Variants in ITGAM observed in about 807,000 individuals in gnomAD.
ITGAM encodes the protein integrin alpha-M.
ITGAM carries 79 observed loss-of-function variants against 137.5 expected under a neutral mutation model. The ratio of observed to expected loss-of-function variants is 0.57; its 90% CI spans 0.48 to 0.69. ITGAM has a LOEUF of 0.69. Ranked by LOEUF, ITGAM falls within the 30% of genes least tolerant of loss-of-function variation. The pLI is 0.00. For missense variants in ITGAM, 1,343 were observed against 1,483.5 expected (o/e 0.91, Z 1.56); for synonymous variants, 583 against 592.3 (o/e 0.98, Z 0.23).
At chr16:31,310,509 C>T (rs941429328) in intron 14 of ITGAM, among the ~76,000 whole-genome samples, 17 of 151,204 alleles carry the variant, frequency 1.1e-4, no homozygotes, top group Non-Finnish European at 1.6e-4. Context: ...CTTGTGCATT[C>T]GTCACGTAGT....
chr16:31,325,048 C>T lies in ITGAM; in HGVS notation c.2363+17C>T, dbSNP rs1334524702. 6.3e-7 allele frequency: 1 copy of T among 1,598,836 alleles called. No homozygotes were observed. The highest frequency in any genetic ancestry group is 1.7e-5 in the Admixed American group (1 of 59,070). On this transcript the variant is annotated intron_variant, in intron 19 of 29. Transcript: ENST00000544665. ...TTTCATGAGGTGAGTTTCCTTTCCT[C>T]CTCACCTCCTCCAGAGAAGGACCCG... is the stretch of plus-strand genomic sequence containing the variant.
rs80070764 is a variant in ITGAM at position 31,330,506 on chromosome 16, C to T, written c.3177C>T (p.Thr1059=). The change falls in exon 28 of 30, where the codon ACC becomes ACT. Residue 1059 remains threonine, a splice_region_variant and synonymous_variant. Transcript: ENST00000544665. ...TGCCCACCCGCTCTCTTCCACAGAC[C>T]TCGCATAACCACCTCCTGATCGTGA... ...GNLSFDWYIK[T]SHNHLLIVST... The T allele has an allele frequency of 6.2e-7, 1 of 1,613,684 alleles. No individual in the cohort carries two copies.
intron 14 of ITGAM, among the ~76,000 whole-genome samples, chr16:31,306,824 A>G (rs2080269911): frequency 6.6e-6 from 1 of 152,126 alleles, no homozygotes; most frequent in African/African-American, 2.4e-5. Context: ...AGTACTCTTA[A>G]TGACTTTTAA....
chr16:31,260,880 A>G (rs1393375845), intron 1 of ITGAM, among the ~76,000 whole-genome samples: 1 of 152,234 alleles, frequency 6.6e-6, no homozygotes, highest in African/African-American at 2.4e-5. Flanking sequence ...CACCACCCCC[A>G]AAGAATTCTA....
At position 31,324,698 on chromosome 16, in the gene ITGAM, C is replaced by A; in HGVS notation, c.2205C>A (p.Phe735Leu). The A allele has an allele frequency of 1.2e-6, 2 of 1,602,248 alleles. No individual in the cohort carries two copies. The highest frequency in any genetic ancestry group is 2.2e-5 in the South Asian group (2 of 89,364). ...GCCCCATTGTGCTGCGCCTGAACTT[C>A]TCTCTGGTGGGAACGCCATTGTCTG... The part of the protein sequence containing the change: ...PVSPIVLRLN[F>L]SLVGTPLSAF... Residue 735 changes from phenylalanine to leucine, a missense_variant, in exon 18 of 30, where the codon TTC becomes TTA. Transcript: ENST00000544665. The surrounding 1 kb of genome is among the most constrained non-coding windows in gnomAD (Gnocchi z 4.5).
intron 5 of ITGAM, 142 bp downstream of exon 5, chr16:31,266,289 G>A (rs2079767004): frequency 6.3e-6 from 4 of 637,436 alleles, no homozygotes; most frequent in Non-Finnish European, 8.3e-6. Flanking sequence ...AGAAGCTAGG[G>A]AGGTGCTAGG....
intron 23 of ITGAM, among the ~76,000 whole-genome samples, chr16:31,328,740 G>A (rs989368714): frequency 4.7e-5 from 7 of 149,716 alleles, no homozygotes; most frequent in Middle Eastern, 3.7e-3. Flanking sequence ...GTATTTGTGC[G>A]TATGTCTGAA....
chr16:31,269,379 C>T (rs563942894), intron 5 of ITGAM, among the ~76,000 whole-genome samples: 1 of 152,158 alleles, frequency 6.6e-6, no homozygotes, highest in South Asian at 2.1e-4. Context: ...CAATCTAGTC[C>T]CCAGGTAAGA....
At chr16:31,315,307 T>C (rs2144457076) in intron 14 of ITGAM, among the ~76,000 whole-genome samples, 1 of 152,296 alleles carries the variant, frequency 6.6e-6, no homozygotes, top group East Asian at 1.9e-4. Flanking sequence ...TTTGTCTGTT[T>C]TTGTTTTTGT....
At chr16:31,281,473 T>C (rs2079968591) in intron 12 of ITGAM, among the ~76,000 whole-genome samples, 1 of 152,046 alleles carries the variant, frequency 6.6e-6, no homozygotes, top group Non-Finnish European at 1.5e-5. Context: ...CAGGAACTTA[T>C]CCATTTCTTC....
chr16:31,331,952 TGTGA>T lies in ITGAM; in HGVS notation c.*249_*252del, dbSNP rs1345796602. On this transcript the variant is annotated 3_prime_UTR_variant, in exon 30 of 30. Coordinates refer to ENST00000544665, the MANE Select transcript of ITGAM (RefSeq NM_000632.4). ...GCCCATGTGTGAGTGTGTGCAAGTATGTGAGTGTGTCCAAGTGTGTGTGCGTGTG... is the reference window on the plus strand; with the variant it reads ...GCCCATGTGTGAGTGTGTGCAAGTATGTGTGTCCAAGTGTGTGTGCGTGTG... 8.8e-5 allele frequency: 49 copies of T among 556,136 alleles called. No individual in the cohort carries two copies. Among genetic ancestry groups the T allele is most frequent in the South Asian group, 4.9e-4 (22 of 45,288 alleles). The allele number at this position is 556,136 out of a possible 1,614,324, so 34.5% of individuals were successfully genotyped here. A position where few individuals can be genotyped will look rare whatever the true frequency, so the allele number is the denominator to read the frequency against.
chr16:31,282,396 G>A (rs921411546), intron 12 of ITGAM, among the ~76,000 whole-genome samples: 7 of 152,024 alleles, frequency 4.6e-5, no homozygotes, highest in Non-Finnish European at 1.0e-4. Context: ...TATGAATCTG[G>A]GTGCTCCTGT....
chr16:31,332,005 ATGTGTGCGAG>A lies in ITGAM; in HGVS notation c.*306_*315del, dbSNP rs989184703. On this transcript the variant is annotated 3_prime_UTR_variant, in exon 30 of 30. Transcript: ENST00000544665. ...TGTCCATGTGTGTGCAAGTGTGTGC[ATGTGTGCGAG>A]TGTGTGCATGTGTGTGCTCAGGGGC... The A allele has an allele frequency of 1.4e-5, 6 of 438,940 alleles. No individual in the cohort carries two copies. Among genetic ancestry groups the A allele is most frequent in the Admixed American group, 4.1e-5 (1 of 24,154 alleles). The allele number at this position is 438,940 out of a possible 1,614,324, so 27.2% of individuals were successfully genotyped here. A position where few individuals can be genotyped will look rare whatever the true frequency, so the allele number is the denominator to read the frequency against.
At chr16:31,310,093 G>A (rs1349891018) in intron 14 of ITGAM, among the ~76,000 whole-genome samples, 3 of 151,038 alleles carry the variant, frequency 2.0e-5, no homozygotes, top group East Asian at 3.9e-4. Flanking sequence ...TCCCTTTGTG[G>A]GTAACCCAAC....
rs1299288429 is a variant in ITGAM at position 31,324,004 on chromosome 16, T to C, written c.2003-395T>C. The stretch of plus-strand genomic sequence containing the variant: ...CTCCAGCCTGGGCAAGAGAGTGAGA[T>C]TCTGTCTCAAAAAAGAAAATAAAAA... On this transcript the variant is annotated intron_variant, in intron 16 of 29. Transcript: ENST00000544665. This position sits in a 1 kb window ranked among gnomAD's most constrained non-coding sequence, Gnocchi z 4.5. 6.8e-6 allele frequency among the ~76,000 whole-genome samples: 1 copy of C among 146,672 alleles called. No individual in the cohort carries two copies. Among genetic ancestry groups the C allele is most frequent in the East Asian group, 2.0e-4 (1 of 5,012 alleles).
At chr16:31,290,899 T>G (rs2080080705) in intron 12 of ITGAM, among the ~76,000 whole-genome samples, 1 of 152,142 alleles carries the variant, frequency 6.6e-6, no homozygotes, top group Non-Finnish European at 1.5e-5. Flanking sequence ...AGGAGCAATG[T>G]ATAAAAATTA....
intron 12 of ITGAM, among the ~76,000 whole-genome samples, chr16:31,290,094 A>G (rs1291474962): frequency 1.3e-5 from 2 of 151,852 alleles, no homozygotes; most frequent in South Asian, 2.1e-4. Context: ...AAAAAAAAAA[A>G]AAAAAAAGAA....
chr16:31,325,044 T>G lies in ITGAM; in HGVS notation c.2363+13T>G. 6.2e-7 allele frequency: 1 copy of G among 1,604,716 alleles called. No homozygotes were observed. The highest frequency in any genetic ancestry group is 8.5e-7 in the Non-Finnish European group (1 of 1,173,250). On this transcript the variant is annotated intron_variant, in intron 19 of 29. Coordinates refer to ENST00000544665, the MANE Select transcript of ITGAM (RefSeq NM_000632.4). ...TCAGTTTCATGAGGTGAGTTTCCTT[T>G]CCTCCTCACCTCCTCCAGAGAAGGA...
At chr16:31,301,113 C>T (rs1467368527) in intron 14 of ITGAM, among the ~76,000 whole-genome samples, 1 of 152,116 alleles carries the variant, frequency 6.6e-6, no homozygotes, top group South Asian at 2.1e-4. Context: ...TTATTTTTGT[C>T]GTCTGTACTT....
Sources: gnomAD v4.1 joint callset for allele counts (sites outside exome capture counted in the v4.1 genomes callset) on GRCh38, gnomAD v4.1.1 for gene constraint, Gnocchi (gnomAD v3.1) non-coding constraint, MANE v1.5 for transcripts, NCBI Gene and HGNC (gene_info 2026-07-23, HGNC 2026-07-21) for gene names.